The following SERPINB8 variants were observed in gnomAD, a reference collection of about 807,000 sequenced individuals.
SERPINB8 encodes the protein serpin B8.
Under a neutral mutation model 35.3 loss-of-function variants are expected in SERPINB8, and 25 were observed. That is an observed-to-expected ratio of 0.71 (90% CI 0.52 to 0.99). The LOEUF (loss-of-function observed/expected upper bound fraction) is 0.99, where lower values mean the gene tolerates loss of function less well. SERPINB8 is among the 50% of genes least tolerant of loss of function. The probability of loss-of-function intolerance (pLI) is 0.00; values close to 1 mark genes in which losing one functional copy is unlikely to be tolerated. For synonymous variants in SERPINB8, 186 were observed against 160.8 expected (o/e 1.16, Z -1.19); for missense variants, 484 against 446.5 (o/e 1.08, Z -0.76).
chr18:63,979,760 T>C (rs779239498), intron 2 of SERPINB8, 41 bp from the exon 3 acceptor site: 1 of 1,612,500 alleles, frequency 6.2e-7, no homozygotes, highest in East Asian at 2.2e-5. Flanking sequence ...TGGGAGAGTA[T>C]AATGGCAGCG....
intron 1 of SERPINB8, among the ~76,000 whole-genome samples, chr18:63,973,061 G>A (rs527558505): frequency 1.3e-5 from 2 of 152,304 alleles, no homozygotes; most frequent in African/African-American, 4.8e-5. Context: ...TTGAGGAATC[G>A]CCACACTGTC....
chr18:63,986,376 C>A, intron 6 of SERPINB8: 1 of 1,564,842 alleles, frequency 6.4e-7, no homozygotes, highest in Non-Finnish European at 8.6e-7. Context: ...CCTTCTCATG[C>A]CTCCCTTCAT....
intron 1 of SERPINB8, among the ~76,000 whole-genome samples, chr18:64,001,431 C>G (rs767415308): frequency 1.3e-5 from 2 of 151,916 alleles, no homozygotes; most frequent in Non-Finnish European, 2.9e-5. Flanking sequence ...AGGAGGCACT[C>G]GATTTAAGGA....
chr18:64,002,340 TC>T (rs1568284509), intron 1 of SERPINB8, among the ~76,000 whole-genome samples: 1 of 151,978 alleles, frequency 6.6e-6, no homozygotes, highest in Non-Finnish European at 1.5e-5. Flanking sequence ...TTCAGGTGAG[TC>T]CCTGATACAT....
chr18:63,989,981 T>A (rs1329471801), downstream of SERPINB8, among the ~76,000 whole-genome samples: 1 of 148,730 alleles, frequency 6.7e-6, no homozygotes. Flanking sequence ...CAAAATGTGC[T>A]TATTTGCTAT....
At chr18:64,003,564 T>G (rs908518401) in intron 1 of SERPINB8, among the ~76,000 whole-genome samples, 1 of 151,094 alleles carries the variant, frequency 6.6e-6, no homozygotes, top group Non-Finnish European at 1.5e-5. Flanking sequence ...TGTGTATTTG[T>G]TATGAGAAAT....
chr18:63,985,908 T>C (rs1382668713), intron 6 of SERPINB8, among the ~76,000 whole-genome samples: 1 of 152,122 alleles, frequency 6.6e-6, no homozygotes, highest in Non-Finnish European at 1.5e-5. Context: ...TTTATAAAGT[T>C]TGCTGATTCT....
At chr18:63,978,943 G>A (rs2050626207) in intron 2 of SERPINB8, among the ~76,000 whole-genome samples, 1 of 152,178 alleles carries the variant, frequency 6.6e-6, no homozygotes, top group African/African-American at 2.4e-5. Flanking sequence ...TATATCTTCT[G>A]GAGTGATTTG....
rs2050667144 is a variant in SERPINB8 at position 63,981,273 on chromosome 18, A to G, written c.307-448A>G. Among the ~76,000 whole-genome samples the G allele has an allele frequency of 2.0e-5, 3 of 152,362 alleles. No homozygotes were observed. The South Asian group carries it at 6.2e-4, about 32-fold the overall frequency. On this transcript the variant is annotated intron_variant, in intron 3 of 6. Coordinates refer to ENST00000397985, the MANE Select transcript of SERPINB8 (RefSeq NM_002640.4). ...ATGCTATTTCCTTCTTTGCAGTTCA[A>G]CACGATTTCTTAACAATCTAGTTCC...
downstream of SERPINB8, among the ~76,000 whole-genome samples, chr18:63,990,137 A>G (rs1183236971): frequency 7.2e-6 from 1 of 138,548 alleles, no homozygotes; most frequent in Non-Finnish European, 1.5e-5. Context: ...GGGCAGGGGC[A>G]CGATCTCGGC....
chr18:64,014,027 A>T (rs527305629), intron 7 of SERPINB8, among the ~76,000 whole-genome samples: 24 of 152,340 alleles, frequency 1.6e-4, no homozygotes, highest in African/African-American at 5.5e-4. Flanking sequence ...GAAACACTTA[A>T]ATTTGCAGTG....
Position 63,981,977 on chromosome 18 carries a change from C to T in SERPINB8, c.424+139C>T, listed in dbSNP as rs995710536. ...TGTATGTGTTTGCTGAGTTTACAGGCCAGCAATGCAACTCTGTCATTTCTT... is the reference window on the plus strand; with the variant it reads ...TGTATGTGTTTGCTGAGTTTACAGGTCAGCAATGCAACTCTGTCATTTCTT... On this transcript the variant is annotated intron_variant, in intron 4 of 6. Transcript: ENST00000397985. 7 of 620,562 alleles carry T rather than the reference C, an allele frequency of 1.1e-5. No homozygotes were observed. In the South Asian group the frequency reaches 1.2e-4, roughly 11 times the overall value. 38.4% of individuals were successfully genotyped at this position (620,562 alleles called of 1,614,324 possible).
At chr18:63,993,466 C>T (rs541984651), downstream of SERPINB8, among the ~76,000 whole-genome samples, 159 of 151,964 alleles carry the variant, frequency 1.0e-3, no homozygotes, top group African/African-American at 3.7e-3. Flanking sequence ...ATTTTATGCC[C>T]CTAAATATGG....
chr18:64,016,010 A>G (rs140237039), intron 7 of SERPINB8, among the ~76,000 whole-genome samples: 5 of 152,302 alleles, frequency 3.3e-5, no homozygotes, highest in African/African-American at 4.8e-5. Flanking sequence ...CTGCTACTGT[A>G]TGTTAGAAAG....
In SERPINB8 at chr18:63,988,745, A is replaced by C. The variant is rs901226619; in HGVS notation, c.*1467A>C. On this transcript the variant is annotated 3_prime_UTR_variant, in exon 7 of 7. Transcript: ENST00000397985. ...TACTTAAATTTGACCAAGCCAGGAT[A>C]TATCTGTTAGGCCACATTCATTTAG... 2 of 151,422 alleles carry C rather than the reference A, an allele frequency of 1.3e-5. No homozygotes were observed. Among genetic ancestry groups the C allele is most frequent in the African/African-American group, 4.8e-5 (2 of 41,382 alleles). The allele number at this position is 151,422 out of a possible 1,614,324, so 9.4% of individuals were successfully genotyped here.
chr18:63,986,300 C>A (rs778794592), intron 6 of SERPINB8: 3 of 1,610,500 alleles, frequency 1.9e-6, no homozygotes, highest in Middle Eastern at 1.7e-4. Context: ...AACTCCAGGA[C>A]AGGCAGAGGA....
chr18:63,980,138 C>T (rs1451147779), intron 3 of SERPINB8, among the ~76,000 whole-genome samples, 200 bp downstream of exon 3: 1 of 152,008 alleles, frequency 6.6e-6, no homozygotes, highest in Non-Finnish European at 1.5e-5. Context: ...GTTATCAATC[C>T]CAATATGTCA....
chr18:63,986,732 T>G, intron 6 of SERPINB8, 142 bp from the exon 7 acceptor site: 1 of 1,412,092 alleles, frequency 7.1e-7, no homozygotes, highest in Non-Finnish European at 9.4e-7. Context: ...TTGGTGTGTT[T>G]ATAAAAGAAA....
intron 1 of SERPINB8, among the ~76,000 whole-genome samples, chr18:64,000,976 A>G (rs748458853): frequency 2.6e-5 from 4 of 152,228 alleles, no homozygotes; most frequent in Non-Finnish European, 5.9e-5. Context: ...TAGGATTGCT[A>G]TGTAGGATTT....
Sources: allele counts gnomAD v4.1 joint callset (sites outside exome capture counted in the v4.1 genomes callset), GRCh38; gene constraint gnomAD v4.1.1; transcripts MANE v1.5; gene names NCBI Gene and HGNC (gene_info 2026-07-23, HGNC 2026-07-21).